The following PIR variants were observed in gnomAD, a reference collection of about 807,000 sequenced individuals.
PIR encodes pirin.
PIR carries 22 observed loss-of-function variants against 24.2 expected under a neutral mutation model. The observed-to-expected ratio is 0.91, with a 90% confidence interval of 0.65 to 1.30. The LOEUF (loss-of-function observed/expected upper bound fraction) is 1.30, where lower values mean the gene tolerates loss of function less well. Ranked by LOEUF, PIR falls within the 50% of genes most tolerant of loss-of-function variation. The pLI, the probability that PIR is intolerant of heterozygous loss-of-function variation, is 0.00. For synonymous variants in PIR, 80 were observed against 79.6 expected, an observed-to-expected ratio of 1.00 and a Z score of -0.03; for missense variants, 220 against 220.3, an observed-to-expected ratio of 1.00 and a Z score of 0.01.
At chrX:15,444,336 T>G (rs1017697507) in intron 5 of PIR, among the ~76,000 whole-genome samples, 4 of 112,521 alleles carry the variant, frequency 3.6e-5, no homozygotes, top group Middle Eastern at 4.2e-3. Context: ...ACAAAAGTAT[T>G]TTTAAATTAA....
intron 6 of PIR, among the ~76,000 whole-genome samples, chrX:15,411,789 C>G (rs1290144412): frequency 9.0e-6 from 1 of 111,647 alleles, no homozygotes; most frequent in African/African-American, 3.3e-5. Flanking sequence ...TTCCCTCCCG[C>G]TCCTCCTTCC....
rs374689036 is a variant in PIR at position 15,419,661 on chromosome X, C to A, written c.565+6245G>T. 2.7e-5 allele frequency among the ~76,000 whole-genome samples: 3 copies of A among 110,562 alleles called. No homozygotes were observed. In the East Asian group the frequency reaches 8.5e-4, roughly 31 times the overall value. ...CTGTAATCCCAGCACTTTGGGAGGC[C>A]GAGGTGGATGGATTACCTGAGGTCA... On this transcript the variant is annotated intron_variant, in intron 6 of 9. Transcript: ENST00000380420.
chrX:15,440,696 C>A (rs1268813762), intron 5 of PIR, among the ~76,000 whole-genome samples: 2 of 111,050 alleles, frequency 1.8e-5, no homozygotes. Flanking sequence ...ATTCAAATTT[C>A]TATGTTTCTG....
intron 9 of PIR, among the ~76,000 whole-genome samples, chrX:15,389,376 A>G (rs1602238552): frequency 8.9e-6 from 1 of 111,745 alleles, no homozygotes; most frequent in East Asian, 2.8e-4. Flanking sequence ...AAAAAAGAAT[A>G]TTTTTAAAGC....
At chrX:15,435,298 AT>A (rs1925718967) in intron 5 of PIR, among the ~76,000 whole-genome samples, 1 of 112,592 alleles carries the variant, frequency 8.9e-6, no homozygotes, top group East Asian at 2.8e-4. Flanking sequence ...ATGTGGAATT[AT>A]TTTGACAATT....
intron 5 of PIR, among the ~76,000 whole-genome samples, chrX:15,455,617 C>T (rs1209607844): frequency 3.6e-5 from 4 of 112,431 alleles, no homozygotes; most frequent in Non-Finnish European, 5.6e-5. Context: ...AATTGCTCCT[C>T]GACCAAACTT....
chrX:15,401,731 T>A (rs1384372361), intron 7 of PIR, among the ~76,000 whole-genome samples: 3 of 112,284 alleles, frequency 2.7e-5, no homozygotes, highest in African/African-American at 9.7e-5. Flanking sequence ...TAAATAGTCA[T>A]AAAAGGGTGA....
At chrX:15,419,343 C>CTGTGTGTGTGTGTG (rs34664851) in intron 6 of PIR, among the ~76,000 whole-genome samples, 1 of 78,293 alleles carries the variant, frequency 1.3e-5, no homozygotes, top group South Asian at 7.9e-4. Context: ...ATGGATAAGT[C>CTGTGTGTGTGTGTG]TGTGTGTGTG....
In PIR at chrX:15,403,993, C is replaced by A. The variant is rs762227645; in HGVS notation, c.610+3513G>T. 9.9e-3 allele frequency among the ~76,000 whole-genome samples: 888 copies of A among 89,894 alleles called. 11 individuals carry two copies. Among genetic ancestry groups the A allele is most frequent in the African/African-American group, 0.032 (800 of 24,932 alleles). 78.1% of individuals were successfully genotyped at this position (89,894 alleles called of 115,157 possible). Reference sequence around the variant, plus strand: ...CAACTAGTTAAACATCCAGCATTTTCTTTTTTTTTTTTTTTTCTTTTTTTT... The same window carrying A: ...CAACTAGTTAAACATCCAGCATTTTATTTTTTTTTTTTTTTTCTTTTTTTT... On this transcript the variant is annotated intron_variant, in intron 7 of 9. Coordinates refer to ENST00000380420, the MANE Select transcript of PIR (RefSeq NM_001018109.3).
At chrX:15,395,701 C>G (rs749098213) in intron 8 of PIR, among the ~76,000 whole-genome samples, 2 of 112,533 alleles carry the variant, frequency 1.8e-5, no homozygotes, top group Admixed American at 1.9e-4. Flanking sequence ...AAGATTCAAA[C>G]CTTCAGAATT....
In PIR at chrX:15,384,951, C is replaced by T. The variant is rs1923687597; in HGVS notation, c.*53G>A. 1.2e-5 allele frequency: 8 copies of T among 656,197 alleles called. No homozygotes were observed. Among genetic ancestry groups the T allele is most frequent in the Admixed American group, 2.6e-5 (1 of 38,837 alleles). 54.1% of individuals were successfully genotyped at this position (656,197 alleles called of 1,213,427 possible). On this transcript the variant is annotated 3_prime_UTR_variant, in exon 10 of 10. Transcript: ENST00000380420. ...AATGGAATGCCTTCAATGGCTCAAT[C>T]TCAGAAATGGCAAAATTCTAGGACA...
chrX:15,479,118 A>T (rs1922363217), intron 3 of PIR, among the ~76,000 whole-genome samples: 1 of 112,287 alleles, frequency 8.9e-6, no homozygotes, highest in Non-Finnish European at 1.9e-5. Flanking sequence ...AGTGTTCAGT[A>T]GAATCTCTAA....
At chrX:15,488,994 A>G (rs142056985) in intron 2 of PIR, among the ~76,000 whole-genome samples, 2,134 of 111,942 alleles carry the variant, frequency 0.019, 38 homozygotes, top group African/African-American at 0.065. Context: ...GGCATTAAAT[A>G]TATTTACATT....
chrX:15,460,714 A>G (rs1338575512), intron 3 of PIR, among the ~76,000 whole-genome samples: 1 of 111,944 alleles, frequency 8.9e-6, no homozygotes, highest in African/African-American at 3.3e-5. Context: ...CTCACCACAA[A>G]AATAGGTAAC....
chrX:15,391,136 T>C (rs1923946302), intron 8 of PIR, among the ~76,000 whole-genome samples: 1 of 112,301 alleles, frequency 8.9e-6, no homozygotes, highest in Non-Finnish European at 1.9e-5. Flanking sequence ...ATCAAGTGGC[T>C]ATTAAAATTC....
At chrX:15,461,119 C>A (rs1163550822) in intron 3 of PIR, among the ~76,000 whole-genome samples, 1 of 111,656 alleles carries the variant, frequency 9.0e-6, no homozygotes, top group Non-Finnish European at 1.9e-5. Flanking sequence ...TTCAGCCCAG[C>A]AGATGATGGT....
intron 2 of PIR, among the ~76,000 whole-genome samples, chrX:15,489,257 T>G (rs1369746909): frequency 8.9e-6 from 1 of 112,592 alleles, no homozygotes; most frequent in Non-Finnish European, 1.9e-5. Context: ...GATTATGAAA[T>G]AGTTTTTAAA....
intron 2 of PIR, among the ~76,000 whole-genome samples, chrX:15,482,210 A>AT (rs773479469): frequency 2.5e-4 from 27 of 110,028 alleles, no homozygotes; most frequent in African/African-American, 6.3e-4. Context: ...ATAAGAAGGG[A>AT]TTTTTTTTTC....
At chrX:15,489,480 G>A (rs897657043) in intron 2 of PIR, among the ~76,000 whole-genome samples, 2 of 112,013 alleles carry the variant, frequency 1.8e-5, no homozygotes, top group Non-Finnish European at 3.8e-5. Context: ...TAATTAAAGT[G>A]TTAGTTACCC....
Sources: allele counts gnomAD v4.1 joint callset (sites outside exome capture counted in the v4.1 genomes callset), GRCh38; gene constraint gnomAD v4.1.1; transcripts MANE v1.5; gene names NCBI Gene and HGNC (gene_info 2026-07-23, HGNC 2026-07-21).